PHF20: variants seen among roughly 807,000 people sequenced by gnomAD.
The protein encoded by PHF20 is glioma-expressed antigen 2.
Under a neutral mutation model 113.5 loss-of-function variants are expected in PHF20, and 23 were observed. The observed-to-expected ratio is 0.20, with a 90% CI of 0.15 to 0.29. The LOEUF (loss-of-function observed/expected upper bound fraction) is 0.29. Among genes scored for constraint, PHF20 ranks in the 10% least tolerant of loss-of-function variants. The pLI is 1.00. For missense variants in PHF20, 943 were observed against 1,219.6 expected, an observed-to-expected ratio of 0.77 and a Z score of 3.38; for synonymous variants, 434 against 457.3, an observed-to-expected ratio of 0.95 and a Z score of 0.65.
chr20:35,911,298 T>C (rs1461320822), intron 10 of PHF20, among the ~76,000 whole-genome samples: 1 of 152,216 alleles, frequency 6.6e-6, no homozygotes, highest in Non-Finnish European at 1.5e-5. Flanking sequence ...CGCCTTGGCC[T>C]CCCAAAGTGC....
chr20:35,816,914 C>T (rs375175274), intron 2 of PHF20, among the ~76,000 whole-genome samples: 12 of 151,700 alleles, frequency 7.9e-5, no homozygotes, highest in African/African-American at 2.4e-4. Context: ...GCCTCAGCCT[C>T]GTGAGTAGTG....
At chr20:35,942,576 T>C (rs1040442391) in intron 17 of PHF20, among the ~76,000 whole-genome samples, 2 of 152,222 alleles carry the variant, frequency 1.3e-5, no homozygotes, top group African/African-American at 4.8e-5. Context: ...GCAAGGATGG[T>C]AGGCCTGAAC....
intron 2 of PHF20, among the ~76,000 whole-genome samples, chr20:35,822,112 C>G (rs936278001): frequency 3.3e-5 from 5 of 152,194 alleles, no homozygotes; most frequent in Admixed American, 2.0e-4. Context: ...AGATAGACAT[C>G]TGGGAGTTGG....
At chr20:35,831,744 C>A (rs2042361415) in intron 2 of PHF20, among the ~76,000 whole-genome samples, 1 of 152,204 alleles carries the variant, frequency 6.6e-6, no homozygotes. Context: ...CCCAGCCTTA[C>A]ACACTAAAAT....
intron 9 of PHF20, among the ~76,000 whole-genome samples, chr20:35,879,627 G>T (rs1398542808): frequency 6.6e-6 from 1 of 151,786 alleles, no homozygotes; most frequent in Non-Finnish European, 1.5e-5. Context: ...TATTACACTT[G>T]TGAAATTCTC....
intron 4 of PHF20, among the ~76,000 whole-genome samples, chr20:35,850,215 C>G (rs887344667): frequency 6.7e-6 from 1 of 148,396 alleles, no homozygotes; most frequent in Admixed American, 6.9e-5. Context: ...TGGGTTTCTA[C>G]TTTCAGGGAA....
At chr20:35,833,188 T>C (rs1012427605) in intron 2 of PHF20, among the ~76,000 whole-genome samples, 1 of 152,224 alleles carries the variant, frequency 6.6e-6, no homozygotes, top group Non-Finnish European at 1.5e-5. Flanking sequence ...TTTCTGTTCA[T>C]TCTCCTTGTC....
intron 2 of PHF20, among the ~76,000 whole-genome samples, chr20:35,820,671 G>A (rs979548982): frequency 1.3e-5 from 2 of 151,798 alleles, no homozygotes; most frequent in Non-Finnish European, 2.9e-5. Flanking sequence ...GGTTAGTCTC[G>A]ATCTCCTGAC....
At chr20:35,833,894 C>T (rs2042394815) in intron 2 of PHF20, among the ~76,000 whole-genome samples, 1 of 151,890 alleles carries the variant, frequency 6.6e-6, no homozygotes, top group South Asian at 2.1e-4. Context: ...CCCGTCTCTA[C>T]TAAAAATACA....
intron 9 of PHF20, among the ~76,000 whole-genome samples, chr20:35,896,861 G>A (rs1007505549): frequency 6.7e-6 from 1 of 150,214 alleles, no homozygotes; most frequent in African/African-American, 2.4e-5. Context: ...GTGCCTGACC[G>A]ACTATTGCCT....
At chr20:35,914,000 G>C in intron 11 of PHF20, 33 bp from the exon 12 acceptor site, 1 of 1,608,458 alleles carries the variant, frequency 6.2e-7, no homozygotes, top group Non-Finnish European at 8.5e-7. Context: ...GTTAACTAGG[G>C]TTATTCATTC....
intron 2 of PHF20, among the ~76,000 whole-genome samples, chr20:35,811,286 C>G (rs1234388675): frequency 6.6e-6 from 1 of 152,148 alleles, no homozygotes; most frequent in Non-Finnish European, 1.5e-5. Context: ...ACCTCATGAT[C>G]TGTCCACCTC....
chr20:35,939,263 A>G (rs1272423604), intron 16 of PHF20, among the ~76,000 whole-genome samples, 155 bp downstream of exon 16: 1 of 152,136 alleles, frequency 6.6e-6, no homozygotes, highest in Admixed American at 6.5e-5. Context: ...ATGGGTGCAA[A>G]GTCAGGAGAG....
chr20:35,891,930 G>A lies in PHF20; in HGVS notation c.1283-7440G>A, dbSNP rs1018728388. Among the ~76,000 whole-genome samples the A allele has an allele frequency of 1.3e-4, 20 of 151,996 alleles. 1 individual carries two copies. The highest frequency in any genetic ancestry group is 3.9e-4 in the Admixed American group (6 of 15,252). On this transcript the variant is annotated intron_variant, in intron 9 of 17. Transcript: ENST00000374012. ...GTGTTGCCCAGGCTGGAGTGCAGTG[G>A]GCAATCTTGGCTCACTGCAACCTCC...
intron 1 of PHF20, among the ~76,000 whole-genome samples, chr20:35,798,097 AT>A (rs1020658756): frequency 4.6e-5 from 7 of 152,100 alleles, no homozygotes; most frequent in African/African-American, 1.7e-4. Context: ...CCTATAACTT[AT>A]TTTTTTCTTC....
At chr20:35,784,254 A>G (rs1262349410) in intron 1 of PHF20, among the ~76,000 whole-genome samples, 1 of 151,630 alleles carries the variant, frequency 6.6e-6, no homozygotes, top group Non-Finnish European at 1.5e-5. Context: ...GGGTTTCACC[A>G]TATTAGCCAG....
intron 9 of PHF20, among the ~76,000 whole-genome samples, chr20:35,895,084 C>T (rs925398540): frequency 2.0e-5 from 3 of 151,996 alleles, no homozygotes; most frequent in South Asian, 2.1e-4. Flanking sequence ...GGTACAGTGG[C>T]GTGATCTTGA....
intron 12 of PHF20, 74 bp downstream of exon 12, chr20:35,914,271 TG>T: frequency 6.8e-7 from 1 of 1,474,830 alleles, no homozygotes; most frequent in South Asian, 1.2e-5. Flanking sequence ...GGAGATATTA[TG>T]GGTTTGGTTC....
At chr20:35,883,046 A>G (rs2054663595) in intron 9 of PHF20, among the ~76,000 whole-genome samples, 1 of 151,452 alleles carries the variant, frequency 6.6e-6, no homozygotes, top group African/African-American at 2.4e-5. Context: ...AAAAAAAAGA[A>G]AAAAGAAAAA....
Sources: allele counts gnomAD v4.1 joint callset (sites outside exome capture counted in the v4.1 genomes callset), GRCh38; gene constraint gnomAD v4.1.1; transcripts MANE v1.5; gene names NCBI Gene and HGNC (gene_info 2026-07-23, HGNC 2026-07-21).